Variants in PITPNC1 observed in about 807,000 individuals in gnomAD.
PITPNC1 encodes the protein phosphatidylinositol transfer protein cytoplasmic 1, also known as cytoplasmic phosphatidylinositol transfer protein 1.
Under a neutral mutation model 44.7 loss-of-function variants are expected in PITPNC1, and 18 were observed. The observed-to-expected ratio is 0.40, with a 90% CI of 0.28 to 0.60. The LOEUF (loss-of-function observed/expected upper bound fraction) is 0.60. PITPNC1 is among the 20% of genes least tolerant of loss of function. The probability of loss-of-function intolerance (pLI) is 0.39; values close to 1 mark genes in which losing one functional copy is unlikely to be tolerated. For missense variants in PITPNC1, 290 were observed against 418.4 expected (o/e 0.69, Z 2.68); for synonymous variants, 141 against 149.6 (o/e 0.94, Z 0.42).
chr17:67,675,486 G>A lies in PITPNC1; in HGVS notation c.626G>A (p.Arg209Gln), dbSNP rs757546900. The stretch of plus-strand genomic sequence containing the variant: ...CCTTCTTTTACTTTTTAGGTGGTCC[G>A]AGACATTCTGCTGATTGGACATAGA... Reference protein sequence around the residue: ...RVEQFVHKVVRDILLIGHRQA... With the variant: ...RVEQFVHKVVQDILLIGHRQA... The change falls in exon 8 of 9, where the codon CGA (arginine) becomes CAA (glutamine). Residue 209 changes from arginine (R) to glutamine (Q), a missense_variant. By Grantham distance (43) the Arg-to-Gln change is conservative. Coordinates refer to ENST00000581322, the MANE Select transcript of PITPNC1 (RefSeq NM_012417.4). 2.5e-6 allele frequency: 4 copies of A among 1,607,872 alleles called. No homozygotes were observed. Among genetic ancestry groups the A allele is most frequent in the Non-Finnish European group, 1.7e-6 (2 of 1,174,380 alleles).
chr17:67,628,659 G>A (rs1483366505), intron 5 of PITPNC1, among the ~76,000 whole-genome samples: 1 of 152,158 alleles, frequency 6.6e-6, no homozygotes, highest in African/African-American at 2.4e-5. Flanking sequence ...TGGGGTGCAG[G>A]CCAGAGGAGG....
intron 4 of PITPNC1, among the ~76,000 whole-genome samples, chr17:67,570,231 T>C (rs2041034408): frequency 6.6e-6 from 1 of 152,174 alleles, no homozygotes; most frequent in African/African-American, 2.4e-5. Context: ...GTTCCCTGCA[T>C]GAAGTCAGCA....
chr17:67,602,232 G>A (rs1035535868), intron 5 of PITPNC1, among the ~76,000 whole-genome samples: 4 of 152,182 alleles, frequency 2.6e-5, no homozygotes, highest in Admixed American at 6.5e-5. Flanking sequence ...GCAAGTGAAG[G>A]TCAAAATGAG....
At chr17:67,388,901 C>A (rs907452821) in intron 1 of PITPNC1, among the ~76,000 whole-genome samples, 2 of 152,174 alleles carry the variant, frequency 1.3e-5, no homozygotes, top group African/African-American at 4.8e-5. Flanking sequence ...CCGCGCCTGG[C>A]AGTATATTAG....
chr17:67,689,547 A>G (rs904843334), intron 8 of PITPNC1, among the ~76,000 whole-genome samples: 2 of 152,248 alleles, frequency 1.3e-5, no homozygotes, highest in African/African-American at 2.4e-5. Context: ...TAAAAACTGC[A>G]TGGGTGCTAA....
At chr17:67,678,411 A>G (rs1011327424) in intron 8 of PITPNC1, among the ~76,000 whole-genome samples, 2 of 152,312 alleles carry the variant, frequency 1.3e-5, no homozygotes, top group Admixed American at 1.3e-4. Context: ...TCTGAGCACA[A>G]AACAACACTG....
chr17:67,612,182 G>A (rs1404195846), intron 5 of PITPNC1: 1 of 152,340 alleles, frequency 6.6e-6, no homozygotes, highest in African/African-American at 2.4e-5. Context: ...ATAGGGTGGG[G>A]AGAGCCTTCA....
At chr17:67,476,406 T>G (rs535197620) in intron 1 of PITPNC1, among the ~76,000 whole-genome samples, 1 of 152,134 alleles carries the variant, frequency 6.6e-6, no homozygotes, top group South Asian at 2.1e-4. Flanking sequence ...AGGCTGGTCT[T>G]GAACTCCTGA....
At chr17:67,501,373 C>CA in intron 1 of PITPNC1, among the ~76,000 whole-genome samples, 3 of 152,298 alleles carry the variant, frequency 2.0e-5, no homozygotes, top group Admixed American at 2.0e-4. Context: ...ACTTCTCAGC[C>CA]ATCGTCATCT....
intron 7 of PITPNC1, among the ~76,000 whole-genome samples, chr17:67,675,274 C>G (rs1167497948): frequency 6.6e-6 from 1 of 152,106 alleles, no homozygotes; most frequent in African/African-American, 2.4e-5. Flanking sequence ...GATGAATATA[C>G]TGCAAGTGTG....
chr17:67,688,137 G>A (rs916627593), intron 8 of PITPNC1, among the ~76,000 whole-genome samples: 4 of 150,830 alleles, frequency 2.7e-5, no homozygotes, highest in Non-Finnish European at 1.5e-5. Flanking sequence ...TCGGGGGTTC[G>A]AGACAAGCCT....
At chr17:67,606,367 C>A (rs1054994335) in intron 5 of PITPNC1, among the ~76,000 whole-genome samples, 2 of 152,144 alleles carry the variant, frequency 1.3e-5, no homozygotes, top group African/African-American at 4.8e-5. Context: ...GACAAGGGAC[C>A]CTTTTTTTAC....
intron 5 of PITPNC1, among the ~76,000 whole-genome samples, chr17:67,586,637 A>G (rs372479026): frequency 2.2e-4 from 33 of 152,152 alleles, no homozygotes; most frequent in East Asian, 1.9e-3. Context: ...AAGATTGTGC[A>G]CAGGGTTCTC....
chr17:67,548,093 C>T (rs948093603), intron 2 of PITPNC1, among the ~76,000 whole-genome samples: 4 of 152,130 alleles, frequency 2.6e-5, no homozygotes, highest in African/African-American at 9.7e-5. Context: ...CAGACATTGC[C>T]AGGTGTCTCC....
At chr17:67,663,291 C>T (rs1010013225) in intron 6 of PITPNC1, among the ~76,000 whole-genome samples, 5 of 152,094 alleles carry the variant, frequency 3.3e-5, no homozygotes, top group South Asian at 2.1e-4. Context: ...AGCAGTAGGC[C>T]GGGCGCGGTG....
chr17:67,421,906 A>C (rs2038677303), intron 1 of PITPNC1, among the ~76,000 whole-genome samples: 1 of 152,240 alleles, frequency 6.6e-6, no homozygotes, highest in Non-Finnish European at 1.5e-5. Context: ...CAGCCAAGGC[A>C]ATGAGAGACC....
At chr17:67,435,140 A>AGC (rs550517350) in intron 1 of PITPNC1, among the ~76,000 whole-genome samples, 86 of 150,626 alleles carry the variant, frequency 5.7e-4, no homozygotes, top group Middle Eastern at 3.4e-3. Context: ...AGAAGCCCAG[A>AGC]GCTCAAGATC....
At chr17:67,636,142 C>CA (rs985406686) in intron 6 of PITPNC1, among the ~76,000 whole-genome samples, 4 of 151,932 alleles carry the variant, frequency 2.6e-5, no homozygotes, top group African/African-American at 9.7e-5. Flanking sequence ...TCTAAAAATT[C>CA]AAAAAATTAG....
At chr17:67,378,488 CT>C (rs2037905164) in intron 1 of PITPNC1, among the ~76,000 whole-genome samples, 1 of 152,156 alleles carries the variant, frequency 6.6e-6, no homozygotes, top group Non-Finnish European at 1.5e-5. Context: ...GGTGCGCCCC[CT>C]CCCTCCAAAT....
Sources: allele counts gnomAD v4.1 joint callset (sites outside exome capture counted in the v4.1 genomes callset), GRCh38; gene constraint gnomAD v4.1.1; transcripts MANE v1.5; gene names NCBI Gene and HGNC (gene_info 2026-07-23, HGNC 2026-07-21).